Variants in SETBP1 observed in about 807,000 individuals in gnomAD.
SETBP1 encodes SET-binding protein.
Under a neutral mutation model 101.0 loss-of-function variants are expected in SETBP1, and 9 were observed. That is an observed-to-expected ratio of 0.09 (90% confidence interval 0.05 to 0.16). The LOEUF (loss-of-function observed/expected upper bound fraction) is 0.16. Among genes scored for constraint, SETBP1 ranks in the 10% least tolerant of loss-of-function variants. The pLI, the probability that SETBP1 is intolerant of heterozygous loss-of-function variation, is 1.00. For missense variants in SETBP1, 1,858 were observed against 2,033.8 expected, an observed-to-expected ratio of 0.91 and a Z score of 1.66; for synonymous variants, 818 against 788.5, an observed-to-expected ratio of 1.04 and a Z score of -0.63.
At chr18:44,833,211 T>A (rs1323854314) in intron 2 of SETBP1, among the ~76,000 whole-genome samples, 1 of 152,246 alleles carries the variant, frequency 6.6e-6, no homozygotes, top group Non-Finnish European at 1.5e-5. Flanking sequence ...TGATTTATGC[T>A]GGAGGTGGGG....
chr18:45,024,971 A>G (rs752126137), intron 4 of SETBP1, among the ~76,000 whole-genome samples: 1 of 152,234 alleles, frequency 6.6e-6, no homozygotes, highest in African/African-American at 2.4e-5. Context: ...AATGAGCCCA[A>G]TGTGAAGGGA....
At chr18:44,977,624 G>A (rs1472248899) in intron 4 of SETBP1, among the ~76,000 whole-genome samples, 5 of 152,168 alleles carry the variant, frequency 3.3e-5, no homozygotes, top group Non-Finnish European at 7.4e-5. Context: ...TTAGTAGATC[G>A]CTGTGCTTCT....
At chr18:44,711,677 C>A (rs1473772967) in intron 2 of SETBP1, among the ~76,000 whole-genome samples, 1 of 150,952 alleles carries the variant, frequency 6.6e-6, no homozygotes, top group Non-Finnish European at 1.5e-5. Context: ...AGGTGTGCAC[C>A]ACCACATCTA....
At chr18:44,898,600 C>T (rs1779291324) in intron 3 of SETBP1, among the ~76,000 whole-genome samples, 1 of 152,114 alleles carries the variant, frequency 6.6e-6, no homozygotes, top group Admixed American at 6.6e-5. Flanking sequence ...AAGGCTGCCT[C>T]CAGGATTTTC....
chr18:44,877,819 G>C (rs2144723479), intron 3 of SETBP1, among the ~76,000 whole-genome samples: 1 of 152,150 alleles, frequency 6.6e-6, no homozygotes, highest in South Asian at 2.1e-4. Flanking sequence ...AAGTTCTCCA[G>C]GTGTTTTCCA....
chr18:44,869,380 A>G, intron 3 of SETBP1, 97 bp downstream of exon 3: 1 of 1,126,788 alleles, frequency 8.9e-7, no homozygotes, highest in South Asian at 1.2e-5. Context: ...AGAAACCCGA[A>G]CCTTGGATTT....
intron 5 of SETBP1, among the ~76,000 whole-genome samples, chr18:45,040,294 A>G (rs779619180): frequency 1.3e-5 from 2 of 152,080 alleles, no homozygotes; most frequent in Non-Finnish European, 2.9e-5. Flanking sequence ...ACAGAAATGC[A>G]GAGGAAGTTA....
intron 2 of SETBP1, among the ~76,000 whole-genome samples, chr18:44,801,753 G>T (rs983530740): frequency 6.6e-6 from 1 of 151,532 alleles, no homozygotes; most frequent in Admixed American, 6.6e-5. Flanking sequence ...GCGAAAGGGA[G>T]TAATTTAACA....
intron 2 of SETBP1, among the ~76,000 whole-genome samples, chr18:44,712,236 A>C (rs79653441): frequency 0.017 from 2,639 of 152,260 alleles, 89 homozygotes; most frequent in African/African-American, 0.06. Context: ...CCAGTTTCAC[A>C]GTGGGGGATA....
chr18:44,812,641 A>G (rs554016086), intron 2 of SETBP1, among the ~76,000 whole-genome samples: 1 of 151,818 alleles, frequency 6.6e-6, no homozygotes, highest in South Asian at 2.1e-4. Context: ...TCTCCTGTGG[A>G]CTCCAGGAGA....
At chr18:44,744,916 C>T (rs368980326) in intron 2 of SETBP1, among the ~76,000 whole-genome samples, 2 of 152,080 alleles carry the variant, frequency 1.3e-5, no homozygotes, top group South Asian at 2.1e-4. Flanking sequence ...GGCGGGATGT[C>T]GGATTGATTT....
intron 2 of SETBP1, among the ~76,000 whole-genome samples, chr18:44,711,618 T>C (rs2069346389): frequency 6.6e-6 from 1 of 151,142 alleles, no homozygotes; most frequent in South Asian, 2.1e-4. Context: ...CTCAAACTCC[T>C]GGGCTCAAGT....
chr18:44,946,597 T>G (rs535013381), intron 3 of SETBP1, among the ~76,000 whole-genome samples: 1 of 152,332 alleles, frequency 6.6e-6, no homozygotes, highest in Non-Finnish European at 1.5e-5. Flanking sequence ...CCAGTTTCAT[T>G]AGGAGCCATC....
intron 2 of SETBP1, among the ~76,000 whole-genome samples, chr18:44,793,111 C>T (rs1349406051): frequency 6.6e-6 from 1 of 152,204 alleles, no homozygotes; most frequent in Admixed American, 6.5e-5. Context: ...TAGAGTGTGA[C>T]AGCCGTAGAA....
At chr18:44,794,723 A>T (rs1202971795) in intron 2 of SETBP1, among the ~76,000 whole-genome samples, 1 of 152,124 alleles carries the variant, frequency 6.6e-6, no homozygotes, top group Non-Finnish European at 1.5e-5. Flanking sequence ...CAACAGGAAG[A>T]TTTGCTGGAC....
At chr18:44,802,295 A>G (rs1026707375) in intron 2 of SETBP1, among the ~76,000 whole-genome samples, 1 of 152,166 alleles carries the variant, frequency 6.6e-6, no homozygotes, top group South Asian at 2.1e-4. Flanking sequence ...TTCATAGATA[A>G]GTAGGTTGAT....
intron 2 of SETBP1, among the ~76,000 whole-genome samples, chr18:44,771,789 C>A (rs1049258822): frequency 2.0e-5 from 3 of 152,104 alleles, no homozygotes; most frequent in African/African-American, 7.2e-5. Context: ...TGCTCACAGG[C>A]CCCTGGAGGT....
At chr18:44,845,423 A>G (rs561745017) in intron 2 of SETBP1, among the ~76,000 whole-genome samples, 1 of 152,340 alleles carries the variant, frequency 6.6e-6, no homozygotes, top group Admixed American at 6.5e-5. Flanking sequence ...TCATTAACCT[A>G]CATGGTGCCA....
intron 3 of SETBP1, among the ~76,000 whole-genome samples, chr18:44,883,171 A>C (rs145726268): frequency 6.6e-6 from 1 of 152,160 alleles, no homozygotes; most frequent in East Asian, 1.9e-4. Context: ...AAGGAGATTC[A>C]TTTGTTCACA....
Sources: gnomAD v4.1 joint callset for allele counts (sites outside exome capture counted in the v4.1 genomes callset) on GRCh38, gnomAD v4.1.1 for gene constraint, MANE v1.5 for transcripts, NCBI Gene and HGNC (gene_info 2026-07-23, HGNC 2026-07-21) for gene names.